Variants in KATNAL2 observed in about 807,000 individuals in gnomAD.
KATNAL2 encodes the protein katanin p60 ATPase-containing subunit A-like 2.
In KATNAL2, 52 loss-of-function variants were observed where a neutral mutation model predicts 76.3. The ratio of observed to expected loss-of-function variants is 0.68; its 90% CI spans 0.55 to 0.86. The LOEUF (loss-of-function observed/expected upper bound fraction) is 0.86, where lower values mean the gene tolerates loss of function less well. KATNAL2 is among the 40% of genes least tolerant of loss of function. The pLI, the probability that KATNAL2 is intolerant of heterozygous loss-of-function variation, is 0.00. For synonymous variants in KATNAL2, 243 were observed against 244.2 expected (o/e 1.00, Z 0.05); for missense variants, 660 against 668.9 (o/e 0.99, Z 0.15).
chr18:46,926,262 C>G (rs946691524), intron 1 of KATNAL2, among the ~76,000 whole-genome samples: 1 of 151,996 alleles, frequency 6.6e-6, no homozygotes, highest in Non-Finnish European at 1.5e-5. Flanking sequence ...TTGAATGTGT[C>G]CCAGAGATTC....
chr18:46,927,131 T>C (rs1163769601), intron 1 of KATNAL2, among the ~76,000 whole-genome samples: 3 of 152,208 alleles, frequency 2.0e-5, no homozygotes, highest in African/African-American at 7.2e-5. Flanking sequence ...GTCATTATGA[T>C]GTTAGCTGGT....
In KATNAL2 at chr18:47,034,411, C is replaced by T. The variant is rs1213560157; in HGVS notation, c.52-12046C>T. ...ACGCTGGCCGCTGCCAGCTTGCCCC[C>T]CTTCCTTGTCTGTCTTGAAGTCCGA... On this transcript the variant is annotated intron_variant, in intron 3 of 17. Transcript: ENST00000683218. 1.2e-6 allele frequency: 2 copies of T among 1,613,982 alleles called. No individual in the cohort carries two copies. Among genetic ancestry groups the T allele is most frequent in the Admixed American group, 1.7e-5 (1 of 60,018 alleles).
chr18:47,070,393 C>T (rs1020278870), intron 13 of KATNAL2, among the ~76,000 whole-genome samples: 8 of 152,014 alleles, frequency 5.3e-5, no homozygotes, highest in African/African-American at 1.2e-4. Flanking sequence ...CCACGCCAAG[C>T]GATTTTTTGC....
At chr18:46,934,898 A>G (rs1336000813) in intron 1 of KATNAL2, among the ~76,000 whole-genome samples, 1 of 152,170 alleles carries the variant, frequency 6.6e-6, no homozygotes, top group East Asian at 1.9e-4. Context: ...CCATTTATTA[A>G]ATAGGGAATC....
intron 1 of KATNAL2, among the ~76,000 whole-genome samples, chr18:46,927,839 G>C (rs2058776246): frequency 6.6e-6 from 1 of 151,902 alleles, no homozygotes; most frequent in African/African-American, 2.4e-5. Flanking sequence ...TTCATTTCGT[G>C]TTCCATCACT....
intron 7 of KATNAL2, 100 bp from the exon 8 acceptor site, chr18:47,059,456 G>T (rs1179566880): frequency 1.3e-6 from 1 of 793,934 alleles, no homozygotes; most frequent in East Asian, 2.5e-5. Context: ...TCACAGAATT[G>T]CTATCCAGCA....
chr18:47,032,780 T>G, intron 3 of KATNAL2: 1 of 759,420 alleles, frequency 1.3e-6, no homozygotes, highest in Non-Finnish European at 2.1e-6. Flanking sequence ...CCCAATGCGT[T>G]CATATCTTCT....
At chr18:47,033,507 C>T (rs188804235) in intron 3 of KATNAL2, 6 of 1,614,152 alleles carry the variant, frequency 3.7e-6, no homozygotes, top group East Asian at 2.2e-5. Flanking sequence ...AACAATGATT[C>T]CTCCGTAATT....
chr18:47,101,168 T>A lies in KATNAL2; in HGVS notation c.*163T>A, dbSNP rs956296410. 1.3e-4 allele frequency: 96 copies of A among 736,872 alleles called. No individual in the cohort carries two copies. The highest frequency in any genetic ancestry group is 2.0e-4 in the Non-Finnish European group (92 of 465,320). The allele number at this position is 736,872 out of a possible 1,614,324, so 45.6% of individuals were successfully genotyped here. A position where few individuals can be genotyped will look rare whatever the true frequency, so the allele number is the denominator to read the frequency against. On this transcript the variant is annotated 3_prime_UTR_variant, in exon 18 of 18. Transcript: ENST00000683218. ...TTGTTTTGGATAGCTGAGATATATT[T>A]ATTAACTTACCATTATCGATGTCAG...
intron 3 of KATNAL2, among the ~76,000 whole-genome samples, chr18:47,041,655 T>C (rs2060968849): frequency 6.6e-6 from 1 of 152,244 alleles, no homozygotes; most frequent in African/African-American, 2.4e-5. Flanking sequence ...ATAAAGCTGC[T>C]ATAAACATCC....
intron 3 of KATNAL2, among the ~76,000 whole-genome samples, chr18:46,947,255 G>C (rs2059409998): frequency 6.6e-6 from 1 of 152,172 alleles, no homozygotes; most frequent in Non-Finnish European, 1.5e-5. Context: ...GATTTGGGGA[G>C]TGGTCAAAAT....
At chr18:47,034,156 A>C (rs111815744) in intron 3 of KATNAL2, 7 of 1,613,842 alleles carry the variant, frequency 4.3e-6, no homozygotes, top group Non-Finnish European at 5.9e-6. Context: ...AGCCATATCT[A>C]CCTCCTCCAC....
chr18:46,943,687 A>G (rs2059309820), intron 1 of KATNAL2, among the ~76,000 whole-genome samples: 1 of 152,240 alleles, frequency 6.6e-6, no homozygotes, highest in South Asian at 2.1e-4. Context: ...CCATTCCTTT[A>G]CTTTCCTAAT....
chr18:47,078,294 A>G (rs2062337542), intron 15 of KATNAL2, among the ~76,000 whole-genome samples: 1 of 152,276 alleles, frequency 6.6e-6, no homozygotes, highest in East Asian at 1.9e-4. Flanking sequence ...TCTGTAGTGC[A>G]TGCTAATTAT....
At chr18:46,942,570 C>A (rs1184615263) in intron 1 of KATNAL2, among the ~76,000 whole-genome samples, 2 of 152,142 alleles carry the variant, frequency 1.3e-5, no homozygotes, top group Non-Finnish European at 2.9e-5. Context: ...GCTGAGATTG[C>A]ACCACTGCAC....
chr18:47,053,711 C>T (rs2247221), intron 5 of KATNAL2, among the ~76,000 whole-genome samples: 70,030 of 151,998 alleles, frequency 0.46, 16,094 homozygotes, highest in Admixed American at 0.54. Context: ...ATGTAGGGAC[C>T]GGGAAACCAA....
In KATNAL2 at chr18:47,093,226, G is replaced by A. The variant is rs181993659; in HGVS notation, c.1212-6017G>A. On this transcript the variant is annotated intron_variant, in intron 15 of 17. Coordinates refer to ENST00000683218, the MANE Select transcript of KATNAL2 (RefSeq NM_001387690.1). The stretch of plus-strand genomic sequence containing the variant: ...CATGCCTGCCTCACAGGGTTGTTGT[G>A]AGAATTAAATGAATTAATGTCTGTA... Among the ~76,000 whole-genome samples, 23 of 152,282 alleles carry A rather than the reference G, an allele frequency of 1.5e-4. 1 individual carries two copies. Among genetic ancestry groups the A allele is most frequent in the Admixed American group, 1.2e-3 (19 of 15,288 alleles).
At chr18:47,058,865 G>A (rs760852171) in intron 7 of KATNAL2, among the ~76,000 whole-genome samples, 8 of 152,090 alleles carry the variant, frequency 5.3e-5, no homozygotes, top group Admixed American at 3.9e-4. Flanking sequence ...CCTTCATGCT[G>A]GACTTCCTGG....
At chr18:47,033,094 G>C in intron 3 of KATNAL2, 1 of 1,614,070 alleles carries the variant, frequency 6.2e-7, no homozygotes, top group Non-Finnish European at 8.5e-7. Flanking sequence ...GGTTTTGGCC[G>C]CGGGCGCCGC....
Sources: allele counts gnomAD v4.1 joint callset (sites outside exome capture counted in the v4.1 genomes callset), GRCh38; gene constraint gnomAD v4.1.1; transcripts MANE v1.5; gene names NCBI Gene and HGNC (gene_info 2026-07-23, HGNC 2026-07-21).